Variants in PVT1 observed in about 807,000 individuals in gnomAD.
PVT1 encodes the protein CXCR4/PVT1 fusion.
intron 3 of PVT1, among the ~76,000 whole-genome samples, chr8:127,970,312 T>G (rs1816751329): frequency 7.1e-6 from 1 of 141,786 alleles, no homozygotes; most frequent in Non-Finnish European, 1.5e-5. Flanking sequence ...TTTTTTTTTT[T>G]TTTGAGATAG....
intron 2 of PVT1, among the ~76,000 whole-genome samples, chr8:127,863,871 C>T (rs1364425804): frequency 6.6e-6 from 1 of 152,174 alleles, no homozygotes; most frequent in African/African-American, 2.4e-5. Context: ...CAGGGCTTTG[C>T]TTTGGTGCCT....
intron 2 of PVT1, among the ~76,000 whole-genome samples, chr8:127,853,243 G>T (rs551041672): frequency 6.6e-6 from 1 of 152,188 alleles, no homozygotes; most frequent in Admixed American, 6.5e-5. Context: ...TGCAACTCTA[G>T]GAAGGCTTCC....
chr8:127,884,766 TCCCGGTGTACAATG>T (rs1815505737), intron 2 of PVT1, among the ~76,000 whole-genome samples: 1 of 152,154 alleles, frequency 6.6e-6, no homozygotes, highest in African/African-American at 2.4e-5. Context: ...ATACGGGAAA[TCCCGGTGTACAATG>T]CCACACATTG....
chr8:127,890,251 C>T (rs919909616), intron 2 of PVT1, among the ~76,000 whole-genome samples: 1 of 152,228 alleles, frequency 6.6e-6, no homozygotes, highest in African/African-American at 2.4e-5. Context: ...TGTGCCAGGC[C>T]TGGCCTTGCT....
At chr8:127,818,500 AC>A (rs1285039567) in intron 2 of PVT1, among the ~76,000 whole-genome samples, 3 of 152,166 alleles carry the variant, frequency 2.0e-5, no homozygotes, top group Non-Finnish European at 4.4e-5. Context: ...TTCATGTATT[AC>A]GTCAGGCTCA....
chr8:127,852,862 G>T (rs1190258602), intron 2 of PVT1, among the ~76,000 whole-genome samples: 1 of 152,198 alleles, frequency 6.6e-6, no homozygotes, highest in Non-Finnish European at 1.5e-5. Flanking sequence ...CTCGAGGTAG[G>T]CCCAGAGGAC....
At chr8:127,902,372 G>A (rs900735358) in intron 3 of PVT1, among the ~76,000 whole-genome samples, 2 of 151,468 alleles carry the variant, frequency 1.3e-5, no homozygotes, top group Admixed American at 1.3e-4. Context: ...GGCATTGTGC[G>A]AGGCTGCATG....
chr8:127,860,870 C>T (rs570623968), intron 2 of PVT1, among the ~76,000 whole-genome samples: 102 of 151,966 alleles, frequency 6.7e-4, no homozygotes, highest in African/African-American at 2.3e-3. Context: ...CCCTCCTACT[C>T]GGTGACCTTC....
chr8:127,965,787 T>C (rs1192383168), intron 3 of PVT1, among the ~76,000 whole-genome samples: 1 of 152,168 alleles, frequency 6.6e-6, no homozygotes, highest in Non-Finnish European at 1.5e-5. Flanking sequence ...GAACAGAGAT[T>C]GGCAGGAGAT....
chr8:127,817,785 T>C (rs1814683441), intron 2 of PVT1, among the ~76,000 whole-genome samples: 1 of 150,902 alleles, frequency 6.6e-6, no homozygotes, highest in Non-Finnish European at 1.5e-5. Context: ...TCCCAGCTAC[T>C]AGAGGCTGAG....
chr8:127,949,828 C>T (rs1013501124), intron 3 of PVT1, among the ~76,000 whole-genome samples: 5 of 152,210 alleles, frequency 3.3e-5, no homozygotes, highest in African/African-American at 9.6e-5. Flanking sequence ...TGGAGTTACC[C>T]AGACCTTACG....
chr8:127,829,771 C>T (rs1814829969), intron 2 of PVT1, among the ~76,000 whole-genome samples: 1 of 152,192 alleles, frequency 6.6e-6, no homozygotes, highest in Non-Finnish European at 1.5e-5. Flanking sequence ...TTTCCTAGGG[C>T]TCACATTACA....
intron 5 of PVT1, among the ~76,000 whole-genome samples, chr8:128,085,091 A>T (rs1814239953): frequency 6.6e-6 from 1 of 152,186 alleles, no homozygotes; most frequent in Non-Finnish European, 1.5e-5. Context: ...TGACTGCTTT[A>T]TGCAGCTCCT....
At chr8:127,888,472 C>G (rs962892788) in intron 2 of PVT1, among the ~76,000 whole-genome samples, 3 of 152,210 alleles carry the variant, frequency 2.0e-5, no homozygotes, top group African/African-American at 7.2e-5. Context: ...ATGTCCACAT[C>G]CGAATCCCTA....
At chr8:127,921,553 T>C (rs1024593950) in intron 3 of PVT1, among the ~76,000 whole-genome samples, 6 of 152,178 alleles carry the variant, frequency 3.9e-5, no homozygotes, top group Non-Finnish European at 7.3e-5. Flanking sequence ...GGCTCCTGCC[T>C]GTAATCCCAA....
intron 3 of PVT1, among the ~76,000 whole-genome samples, chr8:127,983,546 C>G (rs1816908532): frequency 6.6e-6 from 1 of 151,946 alleles, no homozygotes; most frequent in South Asian, 2.1e-4. Context: ...TACTGCACAC[C>G]CAGATCATCA....
intron 4 of PVT1, among the ~76,000 whole-genome samples, chr8:128,052,396 G>A (rs2130107225): frequency 6.6e-6 from 1 of 152,286 alleles, no homozygotes; most frequent in Admixed American, 6.5e-5. Flanking sequence ...TTGGGGGAAG[G>A]GTGATGTGAG....
At chr8:128,025,215 C>T (rs1428786209) in intron 4 of PVT1, among the ~76,000 whole-genome samples, 5 of 152,186 alleles carry the variant, frequency 3.3e-5, no homozygotes, top group Non-Finnish European at 7.3e-5. Flanking sequence ...CTCAGCGGTT[C>T]GGGGTACGGA....
At chr8:128,087,327 T>C (rs945082657) in intron 5 of PVT1, among the ~76,000 whole-genome samples, 3 of 152,220 alleles carry the variant, frequency 2.0e-5, no homozygotes, top group Non-Finnish European at 4.4e-5. Flanking sequence ...TCTCTTTAGA[T>C]GTCTTTTAAT....
Sources: allele counts gnomAD v4.1 joint callset (sites outside exome capture counted in the v4.1 genomes callset), GRCh38; gene constraint gnomAD v4.1.1; transcripts MANE v1.5; gene names NCBI Gene and HGNC (gene_info 2026-07-23, HGNC 2026-07-21).